The following PAK5 variants were observed in gnomAD, a reference collection of about 807,000 sequenced individuals.
PAK5 encodes serine/threonine-protein kinase PAK 5.
In PAK5, 16 loss-of-function variants were observed where a neutral mutation model predicts 65.9. The ratio of observed to expected loss-of-function variants is 0.24; its 90% CI spans 0.16 to 0.37. The LOEUF is 0.37. Ranked by LOEUF, PAK5 falls within the 10% of genes least tolerant of loss-of-function variation. PAK5 has a pLI of 1.00. For synonymous variants in PAK5, 371 were observed against 354.9 expected (o/e 1.05, Z -0.51); for missense variants, 785 against 903.9 (o/e 0.87, Z 1.69).
rs73073759 is a variant in PAK5, at chr20:9,738,403, G to A, written c.-161-26968C>T. On this transcript the variant is annotated intron_variant, in intron 1 of 9. Coordinates refer to ENST00000353224, the MANE Select transcript of PAK5 (RefSeq NM_177990.4). ...ACCTTATTTGTAATAGCCAAAAAGTGGAAACCACACAAATGTCCATCAACA... is the reference window on the plus strand; with the variant it reads ...ACCTTATTTGTAATAGCCAAAAAGTAGAAACCACACAAATGTCCATCAACA... 5.7e-3 allele frequency among the ~76,000 whole-genome samples: 872 copies of A among 151,832 alleles called. 10 individuals are homozygous for A. The highest frequency in any genetic ancestry group is 9.5e-3 in the Non-Finnish European group (644 of 67,930).
intron 1 of PAK5, among the ~76,000 whole-genome samples, chr20:9,718,343 A>G (rs988463729): frequency 6.6e-6 from 1 of 152,110 alleles, no homozygotes; most frequent in African/African-American, 2.4e-5. Flanking sequence ...GGTAACTTAG[A>G]GACTGGAAGG....
chr20:9,677,630 A>G (rs1405703872), intron 2 of PAK5, among the ~76,000 whole-genome samples: 5 of 152,256 alleles, frequency 3.3e-5, no homozygotes, highest in Non-Finnish European at 7.3e-5. Flanking sequence ...AACCTCATCC[A>G]GAATGGCTAT....
At chr20:9,732,526 T>C (rs2048345068) in intron 1 of PAK5, among the ~76,000 whole-genome samples, 1 of 152,222 alleles carries the variant, frequency 6.6e-6, no homozygotes, top group Non-Finnish European at 1.5e-5. Flanking sequence ...CTTCCAGGTT[T>C]AAATTAGCAT....
At chr20:9,664,186 T>C (rs2047382219) in intron 2 of PAK5, among the ~76,000 whole-genome samples, 1 of 152,188 alleles carries the variant, frequency 6.6e-6, no homozygotes, top group African/African-American at 2.4e-5. Flanking sequence ...GTGTCTTCTC[T>C]GGGGCTCAAT....
At chr20:9,588,752 G>C (rs1288666572) in intron 3 of PAK5, among the ~76,000 whole-genome samples, 1 of 152,080 alleles carries the variant, frequency 6.6e-6, no homozygotes, top group East Asian at 1.9e-4. Context: ...CAAGAGGATT[G>C]GTGGATTTTA....
At chr20:9,829,635 G>A (rs1213137430) in intron 1 of PAK5, among the ~76,000 whole-genome samples, 2 of 152,134 alleles carry the variant, frequency 1.3e-5, no homozygotes, top group Non-Finnish European at 2.9e-5. Flanking sequence ...CAACAATTGA[G>A]TGTTACCTTT....
At chr20:9,802,751 C>A (rs2049183794) in intron 1 of PAK5, among the ~76,000 whole-genome samples, 1 of 150,976 alleles carries the variant, frequency 6.6e-6, no homozygotes, top group Admixed American at 6.6e-5. Flanking sequence ...GTTCTGCATC[C>A]CCCATTTTTA....
rs544431142 is a variant in PAK5, at chr20:9,837,736, C to G, written c.-162+1026G>C. ...GTTACCTAAGACCCTGTGGCTATGT[C>G]TTGGTAGAACTCCGTAGAATGCCAG... On this transcript the variant is annotated intron_variant, in intron 1 of 9. Transcript: ENST00000353224. Among the ~76,000 whole-genome samples the G allele has an allele frequency of 6.0e-4, 92 of 152,278 alleles. 1 individual carries two copies. The highest frequency in any genetic ancestry group is 1.0e-3 in the Non-Finnish European group (68 of 68,024).
At chr20:9,731,303 A>C (rs1028706326) in intron 1 of PAK5, among the ~76,000 whole-genome samples, 2 of 152,206 alleles carry the variant, frequency 1.3e-5, no homozygotes, top group African/African-American at 4.8e-5. Flanking sequence ...GGTGAGTTTA[A>C]TTTTAATAAT....
chr20:9,775,365 G>A (rs2123686209), intron 1 of PAK5, among the ~76,000 whole-genome samples: 1 of 152,210 alleles, frequency 6.6e-6, no homozygotes, highest in East Asian at 1.9e-4. Flanking sequence ...TTCAACAAAA[G>A]CTGTTTAGCA....
intron 3 of PAK5, among the ~76,000 whole-genome samples, chr20:9,618,151 G>T (rs367892042): frequency 2.6e-4 from 40 of 152,206 alleles, no homozygotes; most frequent in African/African-American, 9.2e-4. Context: ...CATACTCCAA[G>T]GAACATACAG....
At chr20:9,692,885 T>C (rs928021102) in intron 2 of PAK5, among the ~76,000 whole-genome samples, 2 of 151,884 alleles carry the variant, frequency 1.3e-5, no homozygotes, top group African/African-American at 4.8e-5. Context: ...AAAAATTAAA[T>C]AAATAAATAC....
intron 1 of PAK5, among the ~76,000 whole-genome samples, chr20:9,792,166 C>A (rs1042565503): frequency 1.3e-5 from 2 of 152,078 alleles, no homozygotes; most frequent in East Asian, 3.9e-4. Context: ...AATGAGCTAA[C>A]AATGTAAGAA....
intron 2 of PAK5, among the ~76,000 whole-genome samples, chr20:9,696,426 C>G (rs2047870264): frequency 6.6e-6 from 1 of 152,052 alleles, no homozygotes; most frequent in South Asian, 2.1e-4. Flanking sequence ...GACATTTACT[C>G]TATATTACAA....
intron 1 of PAK5, among the ~76,000 whole-genome samples, chr20:9,760,576 A>AG (rs1216799160): frequency 1.5e-5 from 2 of 136,240 alleles, no homozygotes; most frequent in Non-Finnish European, 3.3e-5. Context: ...TTGATGGTTG[A>AG]GAAAAAAAAA....
chr20:9,657,460 C>A (rs1474651231), intron 2 of PAK5, among the ~76,000 whole-genome samples: 1 of 152,094 alleles, frequency 6.6e-6, no homozygotes, highest in Non-Finnish European at 1.5e-5. Flanking sequence ...ATGAATAATA[C>A]TGTACAGGTT....
At chr20:9,657,262 G>T (rs1353927917) in intron 2 of PAK5, among the ~76,000 whole-genome samples, 1 of 152,082 alleles carries the variant, frequency 6.6e-6, no homozygotes, top group East Asian at 1.9e-4. Context: ...CATCTGGGAT[G>T]GTCCTGTTTC....
chr20:9,679,650 C>A (rs1301928717), intron 2 of PAK5, among the ~76,000 whole-genome samples: 1 of 152,126 alleles, frequency 6.6e-6, no homozygotes, highest in Non-Finnish European at 1.5e-5. Flanking sequence ...TAGGGCAAAA[C>A]AGTAGAGTCG....
rs761709307 is a variant in PAK5, at chr20:9,631,356, T to C, written c.204+12769A>G. On this transcript the variant is annotated intron_variant, in intron 3 of 9. Coordinates refer to ENST00000353224, the MANE Select transcript of PAK5 (RefSeq NM_177990.4). ...TGTCACTCTCATGGTTAACTTACAT[T>C]ATATGGCAACACTGATGGGATATCA... 3.1e-4 allele frequency among the ~76,000 whole-genome samples: 47 copies of C among 152,228 alleles called. 1 individual carries two copies. The highest frequency in any genetic ancestry group is 6.2e-4 in the Non-Finnish European group (42 of 68,032).
Sources: allele counts gnomAD v4.1 joint callset (sites outside exome capture counted in the v4.1 genomes callset), GRCh38; gene constraint gnomAD v4.1.1; transcripts MANE v1.5; gene names NCBI Gene and HGNC (gene_info 2026-07-23, HGNC 2026-07-21).